LINGO2: variants seen among roughly 807,000 people sequenced by gnomAD.
LINGO2 encodes the protein leucine-rich repeat and immunoglobulin-like domain-containing nogo receptor-interacting protein 2.
LINGO2 carries 14 observed loss-of-function variants against 30.6 expected under a neutral mutation model. The ratio of observed to expected loss-of-function variants is 0.46; its 90% CI spans 0.30 to 0.72. The LOEUF is 0.72. Ranked by LOEUF, LINGO2 falls within the 30% of genes least tolerant of loss-of-function variation. The pLI, the probability that LINGO2 is intolerant of heterozygous loss-of-function variation, is 0.07. For missense variants in LINGO2, 729 were observed against 751.7 expected (o/e 0.97, Z 0.35); for synonymous variants, 317 against 288.5 (o/e 1.10, Z -1.00).
chr9:28,214,693 G>A (rs191499284), intron 4 of LINGO2, among the ~76,000 whole-genome samples: 6 of 151,662 alleles, frequency 4.0e-5, no homozygotes, highest in Admixed American at 2.0e-4. Flanking sequence ...TTTTATATAT[G>A]AAGGAAACAG....
the LINGO2 span, among the ~76,000 whole-genome samples, chr9:28,809,172 T>C: frequency 1.3e-5 from 2 of 152,216 alleles, no homozygotes; most frequent in African/African-American, 4.8e-5. Flanking sequence ...CACAATTTAT[T>C]TAGAGAACAG....
the LINGO2 span, among the ~76,000 whole-genome samples, chr9:29,022,143 T>C: frequency 6.6e-6 from 1 of 152,186 alleles, no homozygotes; most frequent in Non-Finnish European, 1.5e-5. Flanking sequence ...ACAATGTTTC[T>C]GAAACCCTAT....
chr9:28,732,620 A>G, the LINGO2 span, among the ~76,000 whole-genome samples: 6 of 152,214 alleles, frequency 3.9e-5, no homozygotes, highest in East Asian at 1.2e-3. Context: ...AAGAACATAG[A>G]TAAATGAAAT....
chr9:28,220,082 A>G (rs938975399), intron 4 of LINGO2, among the ~76,000 whole-genome samples: 1 of 152,166 alleles, frequency 6.6e-6, no homozygotes, highest in African/African-American at 2.4e-5. Context: ...TTTACATTGT[A>G]TAAGGTATTA....
chr9:28,224,305 T>C (rs1315632651), intron 4 of LINGO2, among the ~76,000 whole-genome samples: 3 of 152,116 alleles, frequency 2.0e-5, no homozygotes, highest in East Asian at 1.9e-4. Flanking sequence ...ACCTCGTGAT[T>C]TGCCCGCCTC....
chr9:28,300,166 T>G (rs977643128), intron 3 of LINGO2, among the ~76,000 whole-genome samples: 2 of 150,874 alleles, frequency 1.3e-5, no homozygotes, highest in Non-Finnish European at 2.9e-5. Flanking sequence ...GAGAAGACTG[T>G]GTTGATAGAC....
intron 1 of LINGO2, among the ~76,000 whole-genome samples, chr9:28,615,383 A>G (rs1374467897): frequency 6.6e-6 from 1 of 152,170 alleles, no homozygotes; most frequent in Non-Finnish European, 1.5e-5. Context: ...ACCTCGAAGA[A>G]TGCTCAGTAT....
At chr9:28,191,909 C>G (rs1819835525) in intron 4 of LINGO2, among the ~76,000 whole-genome samples, 2 of 152,086 alleles carry the variant, frequency 1.3e-5, no homozygotes. Flanking sequence ...CAGTGCATGT[C>G]TTTTTCTATT....
the LINGO2 span, among the ~76,000 whole-genome samples, chr9:28,849,720 A>G: frequency 3.3e-5 from 5 of 151,830 alleles, no homozygotes; most frequent in African/African-American, 1.2e-4. Flanking sequence ...TCCCAAGACC[A>G]ACTCTAACCA....
chr9:29,118,207 A>G, the LINGO2 span, among the ~76,000 whole-genome samples: 2 of 152,130 alleles, frequency 1.3e-5, no homozygotes, highest in Non-Finnish European at 2.9e-5. Context: ...GCTGTTTTGC[A>G]TTCATTCATC....
intron 4 of LINGO2, among the ~76,000 whole-genome samples, chr9:28,285,108 T>C (rs1823459884): frequency 6.6e-6 from 1 of 152,224 alleles, no homozygotes; most frequent in African/African-American, 2.4e-5. Flanking sequence ...AGCACTGGCC[T>C]TGGATTATCT....
At chr9:28,060,120 C>T (rs1240679907) in intron 4 of LINGO2, among the ~76,000 whole-genome samples, 2 of 152,152 alleles carry the variant, frequency 1.3e-5, no homozygotes, top group East Asian at 1.9e-4. Context: ...TATTGCAGAG[C>T]ACTAGCCAAA....
intron 4 of LINGO2, among the ~76,000 whole-genome samples, chr9:28,053,121 T>TGA (rs199625187): frequency 3.3e-5 from 5 of 152,036 alleles, no homozygotes; most frequent in African/African-American, 1.2e-4. Context: ...TAAGGTATAA[T>TGA]GAGAGTCATA....
intron 1 of LINGO2, among the ~76,000 whole-genome samples, chr9:28,559,004 G>A (rs1822900494): frequency 6.6e-6 from 1 of 151,982 alleles, no homozygotes; most frequent in African/African-American, 2.4e-5. Flanking sequence ...CCATGCTTTG[G>A]TTTCTTATTT....
chr9:28,977,477 T>A, the LINGO2 span, among the ~76,000 whole-genome samples: 98,871 of 151,904 alleles, frequency 0.65, 32,782 homozygotes, highest in Non-Finnish European at 0.72. Context: ...AAGTGATTTT[T>A]AAATATTTTT....
the LINGO2 span, among the ~76,000 whole-genome samples, chr9:28,827,228 C>T: frequency 6.6e-6 from 1 of 152,128 alleles, no homozygotes; most frequent in East Asian, 1.9e-4. Context: ...TCTGATAAAG[C>T]AGGCATCTCT....
chr9:28,900,560 C>T, the LINGO2 span, among the ~76,000 whole-genome samples: 2 of 152,154 alleles, frequency 1.3e-5, no homozygotes, highest in Non-Finnish European at 2.9e-5. Context: ...GGGTGCCAAG[C>T]CCACTCACCT....
chr9:28,248,986 A>G (rs1822101799), intron 4 of LINGO2, among the ~76,000 whole-genome samples: 1 of 152,132 alleles, frequency 6.6e-6, no homozygotes, highest in Non-Finnish European at 1.5e-5. Context: ...GTGCTTTTCT[A>G]GGGCTTCTAC....
chr9:29,033,697 T>C, the LINGO2 span, among the ~76,000 whole-genome samples: 6 of 151,970 alleles, frequency 3.9e-5, no homozygotes, highest in African/African-American at 1.4e-4. Context: ...GAGGGCAAGA[T>C]GCCACTAAAA....
Sources: gnomAD v4.1 joint callset for allele counts (sites outside exome capture counted in the v4.1 genomes callset) on GRCh38, gnomAD v4.1.1 for gene constraint, MANE v1.5 for transcripts, NCBI Gene and HGNC (gene_info 2026-07-23, HGNC 2026-07-21) for gene names.